DOK5: variants seen among roughly 807,000 people sequenced by gnomAD.
DOK5 encodes the protein docking protein 5.
DOK5 carries 27 observed loss-of-function variants against 43.3 expected under a neutral mutation model. The observed-to-expected ratio is 0.62, with a 90% CI of 0.46 to 0.86. The LOEUF (loss-of-function observed/expected upper bound fraction) is 0.86, where lower values mean the gene tolerates loss of function less well. DOK5 is among the 40% of genes least tolerant of loss of function. The pLI, the probability that DOK5 is intolerant of heterozygous loss-of-function variation, is 0.00. For missense variants in DOK5, 373 were observed against 392.9 expected, an observed-to-expected ratio of 0.95 and a Z score of 0.43; for synonymous variants, 146 against 140.1, an observed-to-expected ratio of 1.04 and a Z score of -0.30.
chr20:54,631,583 C>T (rs567790300), intron 6 of DOK5, among the ~76,000 whole-genome samples: 5 of 152,074 alleles, frequency 3.3e-5, no homozygotes, highest in African/African-American at 7.2e-5. Flanking sequence ...GTAATGGATA[C>T]GGGTTGATTT....
chr20:54,505,380 C>A lies in DOK5; in HGVS notation c.66+29368C>A, dbSNP rs1000246446. Among the ~76,000 whole-genome samples the A allele has an allele frequency of 3.3e-5, 5 of 152,152 alleles. No individual in the cohort carries two copies. The East Asian group carries it at 5.8e-4, about 18-fold the overall frequency. On this transcript the variant is annotated intron_variant, in intron 1 of 7. Transcript: ENST00000262593. ...GTTGTGGCAGAGACCCTGTGGCTCA[C>A]AAAGCCTAAGGTATTTACTGAAAAA...
At chr20:54,511,501 T>C (rs1983015491) in intron 1 of DOK5, among the ~76,000 whole-genome samples, 1 of 152,244 alleles carries the variant, frequency 6.6e-6, no homozygotes, top group African/African-American at 2.4e-5. Flanking sequence ...TATGCTAGTT[T>C]GTTATACATA....
At chr20:54,569,349 T>TAA (rs982102794) in intron 2 of DOK5, among the ~76,000 whole-genome samples, 1 of 152,200 alleles carries the variant, frequency 6.6e-6, no homozygotes, top group African/African-American at 2.4e-5. Context: ...ACTATAATTC[T>TAA]AAGTCAGTAA....
At chr20:54,540,720 C>T (rs79110873) in intron 1 of DOK5, among the ~76,000 whole-genome samples, 3,005 of 151,988 alleles carry the variant, frequency 0.02, 104 homozygotes, top group African/African-American at 0.07. Flanking sequence ...GATGAGTTAT[C>T]ACCATGTTAC....
chr20:54,546,001 T>A (rs1007948786), intron 1 of DOK5, among the ~76,000 whole-genome samples: 2 of 152,168 alleles, frequency 1.3e-5, no homozygotes, highest in African/African-American at 4.8e-5. Flanking sequence ...AGTTTATGCA[T>A]CCCTAAGAGT....
chr20:54,636,676 T>G (rs1978836458), intron 6 of DOK5, among the ~76,000 whole-genome samples: 1 of 152,088 alleles, frequency 6.6e-6, no homozygotes, highest in Admixed American at 6.5e-5. Flanking sequence ...GAGCCTTCGG[T>G]GAGATTGATT....
chr20:54,490,914 C>T (rs181795713), intron 1 of DOK5, among the ~76,000 whole-genome samples: 3 of 152,292 alleles, frequency 2.0e-5, no homozygotes, highest in African/African-American at 7.2e-5. Context: ...TAAGCTCTGG[C>T]TATAGCATCT....
intron 2 of DOK5, among the ~76,000 whole-genome samples, chr20:54,562,654 G>A (rs1002030850): frequency 2.6e-5 from 4 of 152,088 alleles, no homozygotes; most frequent in Non-Finnish European, 4.4e-5. Flanking sequence ...GTGGGCTCAA[G>A]TGATTCTCCC....
At chr20:54,638,482 G>A (rs2146825130) in intron 6 of DOK5, among the ~76,000 whole-genome samples, 2 of 152,296 alleles carry the variant, frequency 1.3e-5, no homozygotes, top group South Asian at 4.2e-4. Context: ...CCCAATCTAA[G>A]AAGTTTGGCC....
chr20:54,635,991 G>A (rs1978808783), intron 6 of DOK5, among the ~76,000 whole-genome samples: 1 of 152,214 alleles, frequency 6.6e-6, no homozygotes, highest in Non-Finnish European at 1.5e-5. Context: ...TGGCATCTTG[G>A]AAAAGGCCTT....
intron 1 of DOK5, among the ~76,000 whole-genome samples, chr20:54,516,376 G>A (rs1234517037): frequency 6.6e-6 from 1 of 152,250 alleles, no homozygotes; most frequent in Non-Finnish European, 1.5e-5. Context: ...TTAGCAGATA[G>A]TATGTGTATA....
chr20:54,545,690 A>G (rs1984318234), intron 1 of DOK5, among the ~76,000 whole-genome samples: 1 of 152,142 alleles, frequency 6.6e-6, no homozygotes. Flanking sequence ...ACTGAAGGAG[A>G]GATAATATGG....
chr20:54,634,027 C>G (rs763615870), intron 6 of DOK5, among the ~76,000 whole-genome samples: 5 of 152,212 alleles, frequency 3.3e-5, no homozygotes, highest in Admixed American at 1.3e-4. Flanking sequence ...TGGTCTCAGA[C>G]TCATGAAAGA....
At chr20:54,639,769 C>A (rs1555839058) in intron 6 of DOK5, among the ~76,000 whole-genome samples, 1 of 152,184 alleles carries the variant, frequency 6.6e-6, no homozygotes, top group African/African-American at 2.4e-5. Context: ...TTCCCGTAGG[C>A]TGATTGAAAT....
At chr20:54,620,754 A>T (rs569412712) in intron 6 of DOK5, among the ~76,000 whole-genome samples, 1 of 152,234 alleles carries the variant, frequency 6.6e-6, no homozygotes, top group East Asian at 1.9e-4. Context: ...GCGTACACAA[A>T]TGTTCACGGG....
intron 7 of DOK5, among the ~76,000 whole-genome samples, chr20:54,645,240 C>T (rs759515801): frequency 1.4e-5 from 2 of 142,196 alleles, no homozygotes; most frequent in Middle Eastern, 3.7e-3. Flanking sequence ...TGGCCTTAGT[C>T]CTCCATGCTC....
chr20:54,634,251 C>G (rs1002118412), intron 6 of DOK5, among the ~76,000 whole-genome samples: 1 of 149,602 alleles, frequency 6.7e-6, no homozygotes, highest in African/African-American at 2.5e-5. Context: ...GCCCTTCACT[C>G]ACTGTGAGTA....
At chr20:54,490,634 G>A (rs1436752307) in intron 1 of DOK5, among the ~76,000 whole-genome samples, 2 of 152,138 alleles carry the variant, frequency 1.3e-5, no homozygotes, top group Admixed American at 6.6e-5. Context: ...TCACCAGGCT[G>A]GAGTGCAGTG....
At position 54,571,922 on chromosome 20, in the gene DOK5, C is replaced by T. The variant is rs749181244; in HGVS notation, c.175-16561C>T. Among the ~76,000 whole-genome samples the T allele has an allele frequency of 9.2e-5, 14 of 152,228 alleles. 1 individual carries two copies. The highest frequency in any genetic ancestry group is 1.9e-4 in the East Asian group (1 of 5,168). On this transcript the variant is annotated intron_variant, in intron 2 of 7. Transcript: ENST00000262593. ...AACTCTGTTGTCTTATGATTGCACA[C>T]GTGTAGTTTCTTTTGCCTGGAAGCT...
Sources: allele counts gnomAD v4.1 joint callset (sites outside exome capture counted in the v4.1 genomes callset), GRCh38; gene constraint gnomAD v4.1.1; transcripts MANE v1.5; gene names NCBI Gene and HGNC (gene_info 2026-07-23, HGNC 2026-07-21).